CIB4: variants seen among roughly 807,000 people sequenced by gnomAD.
The protein encoded by CIB4 is calcium and integrin-binding family member 4.
Under a neutral mutation model 25.8 loss-of-function variants are expected in CIB4, and 25 were observed. The observed-to-expected ratio is 0.97, with a 90% CI of 0.71 to 1.35. CIB4 has a LOEUF of 1.35. Among genes scored for constraint, CIB4 ranks in the 40% most tolerant of loss-of-function variants. CIB4 has a pLI of 0.00. For synonymous variants in CIB4, 75 were observed against 81.4 expected (o/e 0.92, Z 0.42); for missense variants, 235 against 228.2 (o/e 1.03, Z -0.19).
intron 2 of CIB4, among the ~76,000 whole-genome samples, chr2:26,638,984 G>A (rs1669585182): frequency 6.6e-6 from 1 of 151,240 alleles, no homozygotes; most frequent in South Asian, 2.1e-4. Flanking sequence ...AAAAAAAAAA[G>A]GTACAGAACA....
At chr2:26,605,361 T>C (rs1414975341) in intron 3 of CIB4, 1 of 310,992 alleles carries the variant, frequency 3.2e-6, no homozygotes, top group African/African-American at 2.2e-5. Context: ...CGGGGGAAAG[T>C]GTATCAGCTG....
chr2:26,582,343 C>T (rs1158308681), intron 6 of CIB4, among the ~76,000 whole-genome samples: 1 of 152,210 alleles, frequency 6.6e-6, no homozygotes, highest in Non-Finnish European at 1.5e-5. Context: ...GATGGCCAGC[C>T]TTCTCAAGGA....
intron 3 of CIB4, among the ~76,000 whole-genome samples, chr2:26,616,887 G>A (rs1669102693): frequency 6.6e-6 from 1 of 152,182 alleles, no homozygotes; most frequent in South Asian, 2.1e-4. Context: ...AGTCTTGGGG[G>A]AAGGGCAGGG....
At chr2:26,597,383 C>T (rs1668700351) in intron 3 of CIB4, among the ~76,000 whole-genome samples, 1 of 151,600 alleles carries the variant, frequency 6.6e-6, no homozygotes, top group Non-Finnish European at 1.5e-5. Flanking sequence ...AGACATATAG[C>T]CCATGACACA....
intron 2 of CIB4, among the ~76,000 whole-genome samples, chr2:26,639,717 G>C (rs1487518627): frequency 1.3e-5 from 2 of 152,108 alleles, no homozygotes; most frequent in Non-Finnish European, 2.9e-5. Context: ...TTGCACTTGT[G>C]ACAAAGTTGT....
At chr2:26,619,308 C>T (rs1441271535) in intron 3 of CIB4, among the ~76,000 whole-genome samples, 2 of 152,124 alleles carry the variant, frequency 1.3e-5, no homozygotes, top group Non-Finnish European at 2.9e-5. Context: ...GCGTGGAGAC[C>T]GGAAGGAGGG....
At chr2:26,612,881 A>G (rs1189231555) in intron 3 of CIB4, among the ~76,000 whole-genome samples, 1 of 152,122 alleles carries the variant, frequency 6.6e-6, no homozygotes, top group Non-Finnish European at 1.5e-5. Context: ...AATCATCTCC[A>G]GAGATAACTT....
At chr2:26,619,885 A>G (rs769091708) in intron 3 of CIB4, among the ~76,000 whole-genome samples, 2 of 150,762 alleles carry the variant, frequency 1.3e-5, no homozygotes, top group African/African-American at 4.9e-5. Flanking sequence ...CCCTAAGCCC[A>G]CAGCAGGGAA....
chr2:26,591,336 G>T (rs942505317), intron 4 of CIB4, among the ~76,000 whole-genome samples: 1 of 152,248 alleles, frequency 6.6e-6, no homozygotes, highest in Non-Finnish European at 1.5e-5. Context: ...GAAGCCTACA[G>T]GCCATGTGGG....
At chr2:26,620,686 G>A (rs1362110082) in intron 3 of CIB4, among the ~76,000 whole-genome samples, 1 of 152,150 alleles carries the variant, frequency 6.6e-6, no homozygotes, top group East Asian at 1.9e-4. Context: ...CCCACCTAGG[G>A]ACTTCAGCTT....
chr2:26,588,219 C>CCTGCTGGCCCAGCTCTTCTATG (rs1668493179), intron 4 of CIB4, among the ~76,000 whole-genome samples: 1 of 152,260 alleles, frequency 6.6e-6, no homozygotes, highest in South Asian at 2.1e-4. Context: ...CCCCAGGCGT[C>CCTGCTGGCCCAGCTCTTCTATG]CTGCTGGCCC....
intron 3 of CIB4, among the ~76,000 whole-genome samples, chr2:26,603,295 A>C (rs1412658421): frequency 6.6e-6 from 1 of 152,246 alleles, no homozygotes; most frequent in Non-Finnish European, 1.5e-5. Context: ...GACACAGATC[A>C]AAAAACATGA....
At chr2:26,612,569 G>A (rs1669015749) in intron 3 of CIB4, among the ~76,000 whole-genome samples, 1 of 152,078 alleles carries the variant, frequency 6.6e-6, no homozygotes, top group Non-Finnish European at 1.5e-5. Flanking sequence ...CTCTAAGGAG[G>A]AAGGGACTCA....
At chr2:26,605,963 C>A (rs1374652963) in intron 3 of CIB4, among the ~76,000 whole-genome samples, 1 of 152,136 alleles carries the variant, frequency 6.6e-6, no homozygotes, top group Non-Finnish European at 1.5e-5. Context: ...ACCATGCAGG[C>A]GGGGTTTGAG....
At chr2:26,617,473 G>A (rs1669116344) in intron 3 of CIB4, among the ~76,000 whole-genome samples, 1 of 152,152 alleles carries the variant, frequency 6.6e-6, no homozygotes, top group African/African-American at 2.4e-5. Flanking sequence ...TCTGTAGAAT[G>A]GGGAGATACC....
chr2:26,600,051 G>A (rs1201306068), intron 3 of CIB4, among the ~76,000 whole-genome samples: 1 of 112,896 alleles, frequency 8.9e-6, no homozygotes, highest in East Asian at 2.2e-4. Flanking sequence ...CCAGCCTGGT[G>A]ACAGAGCGAG....
In CIB4 at chr2:26,640,620, G is replaced by T. The variant is rs375297339; in HGVS notation, c.55-53C>A. On this transcript the variant is annotated intron_variant, in intron 1 of 6. Transcript: ENST00000288861. ...GTCCACTCCATTCATCCCTGCTGTG[G>T]CCCCTGGGGAGTGGCGCAATTCAGA... The T allele has an allele frequency of 2.8e-5, 44 of 1,573,326 alleles. No homozygotes were observed. The African/African-American group carries it at 4.0e-4, about 14-fold the overall frequency.
chr2:26,598,561 A>C (rs1668723859), intron 3 of CIB4, among the ~76,000 whole-genome samples: 1 of 152,170 alleles, frequency 6.6e-6, no homozygotes, highest in Non-Finnish European at 1.5e-5. Flanking sequence ...AGAGGATGGC[A>C]GGGCAGATGT....
intron 4 of CIB4, among the ~76,000 whole-genome samples, chr2:26,588,617 A>AGG (rs1668499588): frequency 6.6e-6 from 1 of 152,188 alleles, no homozygotes; most frequent in Non-Finnish European, 1.5e-5. Flanking sequence ...CCTGTGGTGG[A>AGG]GGGAGGGCTC....
Sources: gnomAD v4.1 joint callset for allele counts (sites outside exome capture counted in the v4.1 genomes callset) on GRCh38, gnomAD v4.1.1 for gene constraint, MANE v1.5 for transcripts, NCBI Gene and HGNC (gene_info 2026-07-23, HGNC 2026-07-21) for gene names.